GNAO1: variants seen among roughly 807,000 people sequenced by gnomAD.
The protein encoded by GNAO1 is G protein subunit alpha o1.
For missense variants in GNAO1, 166 were observed against 478.7 expected (o/e 0.35, Z 6.10); for synonymous variants, 164 against 180.7 (o/e 0.91, Z 0.74).
chr16:56,238,409 T>C (rs868348537), intron 2 of GNAO1, among the ~76,000 whole-genome samples: 43 of 152,236 alleles, frequency 2.8e-4, no homozygotes, highest in African/African-American at 9.2e-4. Flanking sequence ...TTCTAACACC[T>C]TGGGGCTGAG....
At chr16:56,295,695 C>T (rs1202347491) in intron 3 of GNAO1, among the ~76,000 whole-genome samples, 2 of 152,254 alleles carry the variant, frequency 1.3e-5, no homozygotes, top group African/African-American at 4.8e-5. Flanking sequence ...CAGGCCACTG[C>T]CCCAGTGAGG....
chr16:56,329,553 G>A (rs917660347), intron 4 of GNAO1, among the ~76,000 whole-genome samples: 4 of 152,184 alleles, frequency 2.6e-5, no homozygotes, highest in Non-Finnish European at 2.9e-5. Flanking sequence ...CCTCTAGATT[G>A]GAGGCTCCAG....
intron 2 of GNAO1, among the ~76,000 whole-genome samples, chr16:56,220,117 C>G (rs879919937): frequency 6.6e-6 from 1 of 152,136 alleles, no homozygotes; most frequent in Non-Finnish European, 1.5e-5. Context: ...GCTCTTTGGA[C>G]AGCCATGTGA....
intron 3 of GNAO1, chr16:56,302,243 G>C (rs1439646042): frequency 6.6e-6 from 1 of 152,110 alleles, no homozygotes; most frequent in African/African-American, 2.4e-5. Context: ...GAAGGGTTTC[G>C]ACACACCCCC....
At chr16:56,330,157 C>T (rs1304186082) in intron 4 of GNAO1, among the ~76,000 whole-genome samples, 1 of 152,240 alleles carries the variant, frequency 6.6e-6, no homozygotes, top group Non-Finnish European at 1.5e-5. Context: ...CAGGTGATGA[C>T]TACCTAGGCC....
rs75019896 is a variant in GNAO1 at position 56,234,502 on chromosome 16, C to G, written c.162-41429C>G. Among the ~76,000 whole-genome samples, 1,346 of 152,346 alleles carry G rather than the reference C, an allele frequency of 8.8e-3. 19 individuals carry two copies. The highest frequency in any genetic ancestry group is 0.03 in the African/African-American group (1,266 of 41,576). On this transcript the variant is annotated intron_variant, in intron 2 of 8. Transcript: ENST00000262493. ...CTGTGATTCAGCCAGGCCTGCAGTT[C>G]CTCAGCCTTGCCCATGAGGCTCTAA...
At chr16:56,301,788 T>C (rs1364742377) in intron 3 of GNAO1, 3 of 152,148 alleles carry the variant, frequency 2.0e-5, no homozygotes, top group African/African-American at 4.8e-5. Context: ...GTGGCCATCA[T>C]GTTGAATTGT....
chr16:56,332,275 C>T (rs1378518360), intron 4 of GNAO1, among the ~76,000 whole-genome samples: 1 of 152,176 alleles, frequency 6.6e-6, no homozygotes, highest in Non-Finnish European at 1.5e-5. Context: ...GCCACCCTCA[C>T]CTCCACCACC....
intron 2 of GNAO1, among the ~76,000 whole-genome samples, chr16:56,207,953 T>C (rs2036346111): frequency 6.6e-6 from 1 of 152,108 alleles, no homozygotes; most frequent in South Asian, 2.1e-4. Flanking sequence ...TCCCTAAATA[T>C]CCCTTTTTGA....
chr16:56,236,430 G>A (rs1407716517), intron 2 of GNAO1, among the ~76,000 whole-genome samples: 3 of 152,150 alleles, frequency 2.0e-5, no homozygotes, highest in Non-Finnish European at 4.4e-5. Context: ...AAGAGAGAAA[G>A]GGAAAGTGGA....
chr16:56,330,130 C>T (rs1159250289), intron 4 of GNAO1, among the ~76,000 whole-genome samples: 11 of 152,210 alleles, frequency 7.2e-5, no homozygotes, highest in African/African-American at 2.7e-4. Flanking sequence ...GGGCAAATGC[C>T]GAAGTCCTGT....
At chr16:56,328,561 A>G in intron 3 of GNAO1, 70 bp from the exon 4 acceptor site, 1 of 1,508,034 alleles carries the variant, frequency 6.6e-7, no homozygotes, top group Non-Finnish European at 9.1e-7. Flanking sequence ...GCTAGGGGAG[A>G]GCCCTTGGCT....
rs141508410 is a variant in GNAO1, at chr16:56,288,807, A to C, written c.303+12735A>C. On this transcript the variant is annotated intron_variant, in intron 3 of 8. Coordinates refer to ENST00000262493, the MANE Select transcript of GNAO1 (RefSeq NM_020988.3). ...TTCACTTAGAACACTGACCCCTCACAGAAAGACCAGCCCCTAGGCCCTGCC... is the reference window on the plus strand; with the variant it reads ...TTCACTTAGAACACTGACCCCTCACCGAAAGACCAGCCCCTAGGCCCTGCC... 7.2e-3 allele frequency among the ~76,000 whole-genome samples: 1,093 copies of C among 152,206 alleles called. 17 individuals are homozygous for C. Among genetic ancestry groups the C allele is most frequent in the African/African-American group, 0.025 (1,047 of 41,534 alleles).
chr16:56,347,584 G>T (rs2037883462), intron 6 of GNAO1: 5 of 985,308 alleles, frequency 5.1e-6, no homozygotes, highest in African/African-American at 1.8e-5. Context: ...AGAAAGAATG[G>T]CCCCCAGTCC....
intron 2 of GNAO1, among the ~76,000 whole-genome samples, chr16:56,254,792 A>G (rs1157544191): frequency 6.6e-6 from 1 of 152,018 alleles, no homozygotes; most frequent in Non-Finnish European, 1.5e-5. Flanking sequence ...TCTTTTCCCC[A>G]TATTCTCTAT....
chr16:56,246,388 G>A (rs2143442495), intron 2 of GNAO1, among the ~76,000 whole-genome samples: 1 of 152,198 alleles, frequency 6.6e-6, no homozygotes, highest in East Asian at 1.9e-4. Context: ...TTGGTAACAT[G>A]CCCAGGTCAC....
intron 2 of GNAO1, among the ~76,000 whole-genome samples, chr16:56,267,285 C>T (rs1278422925): frequency 2.6e-5 from 4 of 152,166 alleles, no homozygotes; most frequent in African/African-American, 7.2e-5. Context: ...TGACATTTCC[C>T]CCATTGAGTC....
chr16:56,343,243 C>T (rs2037823075), intron 6 of GNAO1, among the ~76,000 whole-genome samples: 1 of 151,938 alleles, frequency 6.6e-6, no homozygotes, highest in Non-Finnish European at 1.5e-5. Flanking sequence ...AATCCCAGCA[C>T]TTTGGGAGGC....
At position 56,220,499 on chromosome 16, in the gene GNAO1, C is replaced by T. The variant is rs185556048; in HGVS notation, c.161+27883C>T. On this transcript the variant is annotated intron_variant, in intron 2 of 8. Coordinates refer to ENST00000262493, the MANE Select transcript of GNAO1 (RefSeq NM_020988.3). The stretch of plus-strand genomic sequence containing the variant: ...GAGGTTCTTAATGTCTTTTGGGTCA[C>T]AAACCCCTATGAGAAACTGATGGAA... Among the ~76,000 whole-genome samples, 9 of 152,312 alleles carry T rather than the reference C, an allele frequency of 5.9e-5. No individual in the cohort carries two copies. The East Asian group carries it at 1.2e-3, about 20-fold the overall frequency.
Sources: allele counts gnomAD v4.1 joint callset (sites outside exome capture counted in the v4.1 genomes callset), GRCh38; gene constraint gnomAD v4.1.1; transcripts MANE v1.5; gene names NCBI Gene and HGNC (gene_info 2026-07-23, HGNC 2026-07-21).